The following SLC16A5 variants were observed in gnomAD, a reference collection of about 807,000 sequenced individuals.
The protein encoded by SLC16A5 is monocarboxylate transporter 6.
Under a neutral mutation model 33.2 loss-of-function variants are expected in SLC16A5, and 29 were observed. The observed-to-expected ratio is 0.87, with a 90% CI of 0.65 to 1.19. The LOEUF is 1.19. SLC16A5 is among the 50% of genes most tolerant of loss of function. SLC16A5 has a pLI of 0.00. For missense variants in SLC16A5, 606 were observed against 678.2 expected, an observed-to-expected ratio of 0.89 and a Z score of 1.18; for synonymous variants, 248 against 284.1, an observed-to-expected ratio of 0.87 and a Z score of 1.28.
At chr17:75,090,911 G>C (rs1354985888) in intron 2 of SLC16A5, among the ~76,000 whole-genome samples, 1 of 152,192 alleles carries the variant, frequency 6.6e-6, no homozygotes, top group Non-Finnish European at 1.5e-5. Flanking sequence ...ACAGGAGCCT[G>C]GGCAAAGTCC....
chr17:75,095,429 T>C (rs945833012), intron 3 of SLC16A5, among the ~76,000 whole-genome samples: 1 of 152,252 alleles, frequency 6.6e-6, no homozygotes, highest in African/African-American at 2.4e-5. Flanking sequence ...ATCTCTCTCA[T>C]GTACACATAC....
intron 4 of SLC16A5, among the ~76,000 whole-genome samples, chr17:75,099,263 G>A (rs1363161489): frequency 6.6e-6 from 1 of 152,192 alleles, no homozygotes; most frequent in Non-Finnish European, 1.5e-5. Flanking sequence ...TGATCCTAAT[G>A]AGTGACAGGG....
rs760409614 is a variant in SLC16A5, at chr17:75,098,174, C to A, written c.336C>A (p.Phe112Leu). 2 of 1,612,932 alleles carry A rather than the reference C, an allele frequency of 1.2e-6. No individual in the cohort carries two copies. The highest frequency in any genetic ancestry group is 1.7e-6 in the Non-Finnish European group (2 of 1,179,584). The change falls in exon 4 of 7, where the codon TTC becomes TTA. Residue 112 changes from phenylalanine (F) to leucine (L), a missense_variant. By Grantham distance (22) the Phe-to-Leu change is conservative. Coordinates refer to ENST00000329783, the MANE Select transcript of SLC16A5 (RefSeq NM_004695.4). ...NLSQLYFTAG[F>L]ITGLGMCFSF... Reference sequence around the variant, plus strand: ...GCCAGCTCTACTTCACAGCAGGATTCATCACAGGTGACTATCACTTCATCT... The same window carrying A: ...GCCAGCTCTACTTCACAGCAGGATTAATCACAGGTGACTATCACTTCATCT...
intron 5 of SLC16A5, among the ~76,000 whole-genome samples, chr17:75,102,664 T>C (rs1308532814): frequency 6.6e-6 from 1 of 151,954 alleles, no homozygotes; most frequent in East Asian, 1.9e-4. Context: ...ATCCGGGAGG[T>C]TGAGTTCAGC....
intron 5 of SLC16A5, among the ~76,000 whole-genome samples, chr17:75,102,722 A>C (rs2073815490): frequency 6.6e-6 from 1 of 151,208 alleles, no homozygotes; most frequent in African/African-American, 2.5e-5. Context: ...CCAGTTTCCA[A>C]GGGAATTCTT....
downstream of SLC16A5, chr17:75,109,949 G>A (rs992867086): frequency 1.4e-4 from 38 of 267,658 alleles, no homozygotes; most frequent in Non-Finnish European, 2.5e-4. This position sits in a 1 kb window ranked among gnomAD's most constrained non-coding sequence, Gnocchi z 5.0. Flanking sequence ...TAGGGACAGC[G>A]CGGCTTCCGC....
intron 2 of SLC16A5, among the ~76,000 whole-genome samples, chr17:75,090,487 G>T (rs1252656251): frequency 6.9e-6 from 1 of 144,326 alleles, no homozygotes; most frequent in Non-Finnish European, 1.5e-5. Context: ...TGAGACGGAA[G>T]TCTCACTCTG....
intron 6 of SLC16A5, chr17:75,104,406 T>C: frequency 7.7e-7 from 1 of 1,305,760 alleles, no homozygotes; most frequent in Non-Finnish European, 9.8e-7. Context: ...GAAGATGCCC[T>C]GAGAAACTCT....
chr17:75,104,075 A>G lies in SLC16A5; in HGVS notation c.1259A>G (p.Gln420Arg). The G allele has an allele frequency of 6.2e-7, 1 of 1,614,148 alleles. No homozygotes were observed. The highest frequency in any genetic ancestry group is 8.5e-7 in the Non-Finnish European group (1 of 1,180,036). Reference protein sequence around the residue: ...LFMGGSFYALQKKEQGKQAVA... With the variant: ...LFMGGSFYALRKKEQGKQAVA... Reference sequence around the variant, plus strand: ...ATGGGTGGCAGCTTCTACGCCCTGCAGAAGAAGGAGCAAGGCAAGCAGGCT... The same window carrying G: ...ATGGGTGGCAGCTTCTACGCCCTGCGGAAGAAGGAGCAAGGCAAGCAGGCT... Residue 420 changes from glutamine (Q) to arginine (R), a missense_variant, in exon 6 of 7, where the codon CAG becomes CGG. Gln to Arg is a conservative substitution (Grantham distance 43). Coordinates refer to ENST00000329783, the MANE Select transcript of SLC16A5 (RefSeq NM_004695.4).
rs555880431 is a variant in SLC16A5 at position 75,093,739 on chromosome 17, G to A, written c.103G>A (p.Gly35Ser). The change falls in exon 3 of 7, where the codon GGC becomes AGC. Residue 35 changes from glycine to serine, a missense_variant. Physicochemically the swap from Gly to Ser is moderately conservative, Grantham distance 56. Transcript: ENST00000329783. ...GLTLGFPTCI[G>S]IFFTELQWEF... Reference sequence around the variant, plus strand: ...CACCCTGGGCTTCCCCACGTGTATCGGCATCTTCTTCACTGAATTGCAATG... The same window carrying A: ...CACCCTGGGCTTCCCCACGTGTATCAGCATCTTCTTCACTGAATTGCAATG... 19 of 1,614,130 alleles carry A rather than the reference G, an allele frequency of 1.2e-5. No individual in the cohort carries two copies. Among genetic ancestry groups the A allele is most frequent in the Admixed American group, 3.3e-5 (2 of 60,018 alleles).
chr17:75,094,190 T>C lies in SLC16A5; in HGVS notation c.199+355T>C, dbSNP rs553704232. Among the ~76,000 whole-genome samples, 8 of 152,318 alleles carry C rather than the reference T, an allele frequency of 5.3e-5. No homozygotes were observed. In the East Asian group the frequency reaches 1.5e-3, roughly 29 times the overall value. ...TCCTGCTTTCCAGCTGGCTGGTCTC[T>C]CTGAACCTCGGTTGCTTCCTCTGCA... On this transcript the variant is annotated intron_variant, in intron 3 of 6. Coordinates refer to ENST00000329783, the MANE Select transcript of SLC16A5 (RefSeq NM_004695.4).
intron 5 of SLC16A5, among the ~76,000 whole-genome samples, chr17:75,101,669 C>G (rs2073801537): frequency 1.3e-5 from 2 of 150,556 alleles, no homozygotes; most frequent in African/African-American, 2.4e-5. Flanking sequence ...AGGTCTTGCT[C>G]TGTCACCCAG....
intron 4 of SLC16A5, among the ~76,000 whole-genome samples, chr17:75,099,017 G>A (rs540652102): frequency 2.6e-5 from 4 of 152,254 alleles, no homozygotes; most frequent in Admixed American, 6.5e-5. Flanking sequence ...CTGAGGGCCC[G>A]CCTGAGGCCA....
intron 5 of SLC16A5, 113 bp from the exon 6 acceptor site, chr17:75,103,857 C>A: frequency 1.1e-6 from 1 of 902,326 alleles, no homozygotes; most frequent in Non-Finnish European, 1.8e-6. Context: ...TGGGTGTCAG[C>A]CACAATTCCT....
intron 5 of SLC16A5, among the ~76,000 whole-genome samples, chr17:75,101,381 A>T (rs1221326353): frequency 6.6e-6 from 1 of 151,550 alleles, no homozygotes; most frequent in Non-Finnish European, 1.5e-5. Context: ...TAACGTGGTG[A>T]AACCCCATCT....
intron 4 of SLC16A5, among the ~76,000 whole-genome samples, chr17:75,099,310 C>G (rs1302034701): frequency 2.0e-5 from 3 of 152,084 alleles, no homozygotes; most frequent in Non-Finnish European, 4.4e-5. Context: ...CGGGCTGGAG[C>G]CGGACCACAG....
In SLC16A5 at chr17:75,093,655, C is replaced by A. The variant is rs756498268; in HGVS notation, c.19C>A (p.Arg7Ser). The change falls in exon 3 of 7, where the codon CGT becomes AGT. Residue 7 changes from arginine to serine, a missense_variant. Coordinates refer to ENST00000329783, the MANE Select transcript of SLC16A5 (RefSeq NM_004695.4). ...GCAGAGGATGCCCCAGGCCCTGGAG[C>A]GTGCAGATGGCAGCTGGGCCTGGGT... Reference protein sequence around the residue: MPQALERADGSWAWVVL... With the variant: MPQALESADGSWAWVVL... The A allele has an allele frequency of 6.2e-7, 1 of 1,612,444 alleles. No homozygotes were observed. The highest frequency in any genetic ancestry group is 1.7e-5 in the Admixed American group (1 of 59,994).
intron 2 of SLC16A5, among the ~76,000 whole-genome samples, chr17:75,091,703 G>C (rs961754746): frequency 2.0e-5 from 3 of 152,212 alleles, no homozygotes; most frequent in Non-Finnish European, 2.9e-5. Context: ...AGTTTCCCCA[G>C]AGCTTCCCAG....
At chr17:75,105,552 G>A in intron 6 of SLC16A5, 3 of 985,338 alleles carry the variant, frequency 3.0e-6, no homozygotes, top group Non-Finnish European at 3.6e-6. Context: ...GGCGGTCCAA[G>A]CTCCCCACAC....
Sources: allele counts gnomAD v4.1 joint callset (sites outside exome capture counted in the v4.1 genomes callset), GRCh38; gene constraint gnomAD v4.1.1; non-coding constraint Gnocchi (gnomAD v3.1); transcripts MANE v1.5; gene names NCBI Gene and HGNC (gene_info 2026-07-23, HGNC 2026-07-21).